Variants in ATP13A5 observed in about 807,000 individuals in gnomAD.
ATP13A5 encodes the protein probable cation-transporting ATPase 13A5.
ATP13A5 carries 149 observed loss-of-function variants against 150.2 expected under a neutral mutation model. The observed-to-expected ratio is 0.99, with a 90% CI of 0.87 to 1.14. ATP13A5 has a LOEUF of 1.14. Among genes scored for constraint, ATP13A5 ranks in the 50% most tolerant of loss-of-function variants. ATP13A5 has a pLI of 0.00. For synonymous variants in ATP13A5, 497 were observed against 522.2 expected, an observed-to-expected ratio of 0.95 and a Z score of 0.66; for missense variants, 1,383 against 1,449.3, an observed-to-expected ratio of 0.95 and a Z score of 0.74.
chr3:193,340,601 G>C (rs1449392654), intron 9 of ATP13A5, among the ~76,000 whole-genome samples: 1 of 152,128 alleles, frequency 6.6e-6, no homozygotes, highest in Non-Finnish European at 1.5e-5. Flanking sequence ...GCTTAATGAA[G>C]AGAAGAAGAG....
intron 1 of ATP13A5, among the ~76,000 whole-genome samples, chr3:193,372,029 G>T (rs144864138): frequency 6.6e-6 from 1 of 151,884 alleles, no homozygotes; most frequent in Middle Eastern, 3.2e-3. Flanking sequence ...TGGCAGGTGC[G>T]GTGGCTCACA....
chr3:193,310,501 C>T (rs1231806940), intron 21 of ATP13A5, 137 bp downstream of exon 21: 4 of 639,086 alleles, frequency 6.3e-6, no homozygotes, highest in South Asian at 2.2e-5. Flanking sequence ...TATAAGTGTT[C>T]CCTTTTCTCT....
chr3:193,305,054 T>C (rs1262022929), intron 23 of ATP13A5, among the ~76,000 whole-genome samples: 1 of 152,174 alleles, frequency 6.6e-6, no homozygotes, highest in Non-Finnish European at 1.5e-5. Context: ...CAGATGAGAT[T>C]TGGGTGGGAA....
At chr3:193,335,875 T>C (rs963505123) in intron 9 of ATP13A5, among the ~76,000 whole-genome samples, 18 of 141,624 alleles carry the variant, frequency 1.3e-4, no homozygotes. Flanking sequence ...CAGGTAGCAA[T>C]TTTTTTCCTT....
intron 17 of ATP13A5, among the ~76,000 whole-genome samples, chr3:193,316,550 G>C (rs1719059690): frequency 6.6e-6 from 1 of 152,040 alleles, no homozygotes; most frequent in Non-Finnish European, 1.5e-5. Flanking sequence ...TTGTGGTTTT[G>C]ATTTGCATTT....
At chr3:193,343,336 T>G (rs1712200731) in intron 9 of ATP13A5, among the ~76,000 whole-genome samples, 1 of 152,186 alleles carries the variant, frequency 6.6e-6, no homozygotes. Context: ...AAAGTACAAA[T>G]GAGAACTAGG....
chr3:193,360,344 T>C (rs1018045658), intron 5 of ATP13A5, among the ~76,000 whole-genome samples: 1 of 152,246 alleles, frequency 6.6e-6, no homozygotes, highest in African/African-American at 2.4e-5. Flanking sequence ...AAAGTTTGCA[T>C]GTAAACTCTA....
chr3:193,373,770 T>G (rs1713536232), intron 1 of ATP13A5, among the ~76,000 whole-genome samples: 1 of 152,154 alleles, frequency 6.6e-6, no homozygotes, highest in East Asian at 1.9e-4. Flanking sequence ...AACCACATGA[T>G]TAGCAGCTGA....
chr3:193,341,299 G>T (rs1319963271), intron 9 of ATP13A5, among the ~76,000 whole-genome samples: 1 of 152,110 alleles, frequency 6.6e-6, no homozygotes, highest in Non-Finnish European at 1.5e-5. Flanking sequence ...ACTGGCTTTT[G>T]AGTTTTTGAA....
chr3:193,330,706 G>A (rs995078950), intron 12 of ATP13A5, among the ~76,000 whole-genome samples: 2 of 152,214 alleles, frequency 1.3e-5, no homozygotes, highest in Non-Finnish European at 2.9e-5. Flanking sequence ...CAGGGTCATT[G>A]TTTCCTTCCT....
Position 193,301,066 on chromosome 3 carries a change from C to G in ATP13A5, c.2775+145G>C, listed in dbSNP as rs1718379173. 1.6e-5 allele frequency: 11 copies of G among 708,506 alleles called. 1 individual carries two copies. The Admixed American group carries it at 3.0e-4, about 20-fold the overall frequency. 43.9% of individuals were successfully genotyped at this position (708,506 alleles called of 1,614,324 possible). On this transcript the variant is annotated intron_variant, in intron 24 of 29. Transcript: ENST00000342358. ...GTTCCACATTTCATGCACAGTTACA[C>G]CAGGTTCCTGAGTTTGCAGACACCT...
chr3:193,375,987 T>C (rs910012298), intron 1 of ATP13A5, among the ~76,000 whole-genome samples: 2 of 152,030 alleles, frequency 1.3e-5, no homozygotes, highest in African/African-American at 4.8e-5. Flanking sequence ...TGAATGCGAG[T>C]AGAAGTTAGA....
At chr3:193,319,957 T>A (rs1560131052) in intron 16 of ATP13A5, among the ~76,000 whole-genome samples, 1 of 152,376 alleles carries the variant, frequency 6.6e-6, no homozygotes, top group Non-Finnish European at 1.5e-5. Flanking sequence ...AAGTAAGAAC[T>A]ATCTTGATCT....
At chr3:193,332,096 G>C (rs984109164) in intron 11 of ATP13A5, among the ~76,000 whole-genome samples, 1 of 152,194 alleles carries the variant, frequency 6.6e-6, no homozygotes, top group Non-Finnish European at 1.5e-5. Flanking sequence ...CCCACCTGTA[G>C]TAAGAGGGAC....
chr3:193,277,703 G>A (rs1717287057), intron 28 of ATP13A5: 1 of 152,232 alleles, frequency 6.6e-6, no homozygotes, highest in South Asian at 2.1e-4. Context: ...TTAAAGGGTT[G>A]TTTGGAAAAG....
At chr3:193,326,341 A>G (rs768613509) in intron 13 of ATP13A5, among the ~76,000 whole-genome samples, 6 of 152,160 alleles carry the variant, frequency 3.9e-5, no homozygotes, top group Non-Finnish European at 8.8e-5. Flanking sequence ...TGGAGTAGAC[A>G]TCTATGTGAT....
At position 193,276,778 on chromosome 3, in the gene ATP13A5, G is replaced by A. The variant is rs1577317747; in HGVS notation, c.3368C>T (p.Thr1123Ile). ...WRVLILVVAL[T>I]QFCVAFFVED... is the part of the protein sequence containing the mutation. ...TACAAAGAAAGCCACACAGAATTGG[G>A]TGAGGGCTACCACCAAAATTAAAAC... Residue 1123 changes from threonine (T) to isoleucine (I), a missense_variant, in exon 29 of 30, where the codon ACC becomes ATC. Coordinates refer to ENST00000342358, the MANE Select transcript of ATP13A5 (RefSeq NM_198505.4). 2 of 1,613,210 alleles carry A rather than the reference G, an allele frequency of 1.2e-6. No individual in the cohort carries two copies.
chr3:193,367,089 G>A (rs996903698), intron 1 of ATP13A5, among the ~76,000 whole-genome samples: 29 of 151,916 alleles, frequency 1.9e-4, no homozygotes, highest in Admixed American at 3.3e-4. Context: ...GCAAATCTTA[G>A]TAAAGAGAAA....
At chr3:193,356,928 G>A (rs962591759) in intron 5 of ATP13A5, among the ~76,000 whole-genome samples, 8 of 152,026 alleles carry the variant, frequency 5.3e-5, no homozygotes, top group African/African-American at 1.9e-4. Flanking sequence ...CGATTCTCCT[G>A]CCTCAGCCTC....
Sources: gnomAD v4.1 joint callset for allele counts (sites outside exome capture counted in the v4.1 genomes callset) on GRCh38, gnomAD v4.1.1 for gene constraint, MANE v1.5 for transcripts, NCBI Gene and HGNC (gene_info 2026-07-23, HGNC 2026-07-21) for gene names.